DLGAP2: variants seen among roughly 807,000 people sequenced by gnomAD.
The protein encoded by DLGAP2 is disks large-associated protein 2.
DLGAP2 carries 26 observed loss-of-function variants against 100.3 expected under a neutral mutation model. The observed-to-expected ratio is 0.26, with a 90% CI of 0.19 to 0.36. The LOEUF is 0.36. DLGAP2 is among the 10% of genes least tolerant of loss of function. DLGAP2 has a pLI of 1.00. For synonymous variants in DLGAP2, 886 were observed against 630.1 expected, an observed-to-expected ratio of 1.41 and a Z score of -6.08; for missense variants, 1,858 against 1,453.2, an observed-to-expected ratio of 1.28 and a Z score of -4.53.
chr8:1,340,030 G>T (rs983498697), intron 3 of DLGAP2, among the ~76,000 whole-genome samples: 1 of 152,162 alleles, frequency 6.6e-6, no homozygotes, highest in Non-Finnish European at 1.5e-5. Flanking sequence ...GGTACTGGGA[G>T]AACTGGCAGG....
At chr8:1,578,324 T>C (rs1803077790) in intron 6 of DLGAP2, among the ~76,000 whole-genome samples, 1 of 152,186 alleles carries the variant, frequency 6.6e-6, no homozygotes, top group Non-Finnish European at 1.5e-5. Context: ...CTAATTGTAT[T>C]TAATTTTAAT....
At position 1,678,454 on chromosome 8, in the gene DLGAP2, C is replaced by A; in HGVS notation, c.2529C>A (p.Pro843=). 6.2e-7 allele frequency: 1 copy of A among 1,613,520 alleles called. No homozygotes were observed. The highest frequency in any genetic ancestry group is 8.5e-7 in the Non-Finnish European group (1 of 1,179,742). Residue 843 remains proline, a synonymous_variant, in exon 12 of 15, where the codon CCC becomes CCA. Coordinates refer to ENST00000637795, the MANE Select transcript of DLGAP2 (RefSeq NM_001346810.2). ...YRTQVDTSTL[P]PPDPWLEPAI... is the part of the protein sequence containing the mutation. ...CCCAAGTGGACACCTCCACCCTGCC[C>A]CCTCCAGACCCCTGGCTGGAGCCCG...
intron 3 of DLGAP2, among the ~76,000 whole-genome samples, chr8:1,417,150 C>CCG (rs537951010): frequency 0.062 from 5,245 of 84,754 alleles, 361 homozygotes; most frequent in African/African-American, 0.09. Flanking sequence ...GCGGGGGAGA[C>CCG]TCTGAGTGAA....
At chr8:1,476,576 G>A (rs1798935879) in intron 3 of DLGAP2, among the ~76,000 whole-genome samples, 1 of 152,174 alleles carries the variant, frequency 6.6e-6, no homozygotes, top group Non-Finnish European at 1.5e-5. Context: ...CAGGGCAAAT[G>A]TTAGTGCTGT....
intron 2 of DLGAP2, among the ~76,000 whole-genome samples, chr8:1,149,529 G>T (rs1232060453): frequency 6.6e-6 from 1 of 151,956 alleles, no homozygotes; most frequent in African/African-American, 2.4e-5. Context: ...GTTTTCTTTG[G>T]GTTAATATTT....
At chr8:1,182,055 G>T (rs781628760) in intron 2 of DLGAP2, among the ~76,000 whole-genome samples, 1 of 152,250 alleles carries the variant, frequency 6.6e-6, no homozygotes, top group Admixed American at 6.5e-5. Context: ...CAGTGCGTAA[G>T]AGCCATGTGC....
intron 2 of DLGAP2, among the ~76,000 whole-genome samples, chr8:1,105,996 A>AG (rs1368156136): frequency 1.6e-5 from 2 of 127,158 alleles, no homozygotes; most frequent in East Asian, 2.6e-4. Context: ...CCATTCTAGG[A>AG]GGTTTTCTAC....
chr8:859,041 TA>T (rs1288183156), intron 1 of DLGAP2, among the ~76,000 whole-genome samples: 5 of 152,110 alleles, frequency 3.3e-5, no homozygotes, highest in Non-Finnish European at 5.9e-5. Context: ...GTATTTTAAT[TA>T]AAAAATACAT....
intron 2 of DLGAP2, among the ~76,000 whole-genome samples, chr8:1,080,819 GC>G (rs1310453529): frequency 6.6e-6 from 1 of 152,178 alleles, no homozygotes; most frequent in East Asian, 1.9e-4. Context: ...CACTCACTCA[GC>G]GCTCTGAGGA....
intron 5 of DLGAP2, among the ~76,000 whole-genome samples, chr8:1,563,355 G>A (rs548006488): frequency 8.7e-5 from 3 of 34,562 alleles, no homozygotes; most frequent in South Asian, 2.3e-3. Context: ...GGGTGTCCGC[G>A]CCTCATTACT....
At position 1,683,989 on chromosome 8, in the gene DLGAP2, CTTTTTT is replaced by C. The variant is rs534537261; in HGVS notation, c.2704+5365_2704+5370del. Among the ~76,000 whole-genome samples the C allele has an allele frequency of 9.0e-3, 327 of 36,466 alleles. 6 individuals carry two copies. Among genetic ancestry groups the C allele is most frequent in the South Asian group, 0.041 (40 of 984 alleles). 23.9% of individuals were successfully genotyped at this position (36,466 alleles called of 152,430 possible). ...ATATATATATATATATATATATATA[CTTTTTT>C]TTTTAAGACGAAGTCTCACTCTGAC... On this transcript the variant is annotated intron_variant, in intron 12 of 14. Transcript: ENST00000637795.
At chr8:1,193,638 C>T (rs576178707) in intron 2 of DLGAP2, among the ~76,000 whole-genome samples, 7 of 152,170 alleles carry the variant, frequency 4.6e-5, no homozygotes, top group African/African-American at 1.7e-4. Context: ...ACTTAGGTTG[C>T]TTCCCTGGCA....
At chr8:1,626,963 G>A in intron 7 of DLGAP2, 76 bp downstream of exon 7, 1 of 1,505,032 alleles carries the variant, frequency 6.6e-7, no homozygotes, top group South Asian at 1.3e-5. Flanking sequence ...CGGCCGCATA[G>A]GTGGCGATGG....
At chr8:944,856 A>C (rs1799278995) in intron 2 of DLGAP2, among the ~76,000 whole-genome samples, 1 of 151,898 alleles carries the variant, frequency 6.6e-6, no homozygotes, top group South Asian at 2.1e-4. Context: ...AGTGGTTGGT[A>C]ACGACTTTGT....
intron 1 of DLGAP2, among the ~76,000 whole-genome samples, chr8:844,120 G>A (rs28362022): frequency 0.72 from 109,762 of 152,124 alleles, 40,114 homozygotes; most frequent in East Asian, 0.99. Context: ...GTGGTTCACA[G>A]TGAAGAGTAT....
At chr8:1,211,281 A>G (rs1798099345) in intron 2 of DLGAP2, among the ~76,000 whole-genome samples, 1 of 152,112 alleles carries the variant, frequency 6.6e-6, no homozygotes, top group African/African-American at 2.4e-5. Context: ...GGCCGTGGGG[A>G]CGTTGTTAAA....
chr8:1,051,323 T>C (rs1235247516), intron 2 of DLGAP2, among the ~76,000 whole-genome samples: 5 of 152,106 alleles, frequency 3.3e-5, no homozygotes, highest in African/African-American at 1.2e-4. Flanking sequence ...CACCGGGCTG[T>C]GTTGTCTCAG....
rs188772992 is a variant in DLGAP2 at position 861,410 on chromosome 8, G to A, written c.19-46502G>A. 1.1e-4 allele frequency among the ~76,000 whole-genome samples: 17 copies of A among 152,208 alleles called. No individual in the cohort carries two copies. The East Asian group carries it at 1.9e-3, about 17-fold the overall frequency. ...GATGACTGTACTTCTCCTCATGCTCGCAGTAGAAGAAGTTTGAAGCCCCTA... is the reference window on the plus strand; with the variant it reads ...GATGACTGTACTTCTCCTCATGCTCACAGTAGAAGAAGTTTGAAGCCCCTA... On this transcript the variant is annotated intron_variant, in intron 1 of 14. Transcript: ENST00000637795.
At chr8:947,561 C>T (rs1235478632) in intron 2 of DLGAP2, among the ~76,000 whole-genome samples, 2 of 152,170 alleles carry the variant, frequency 1.3e-5, no homozygotes, top group Non-Finnish European at 2.9e-5. Flanking sequence ...CACAGGTTGC[C>T]GGGCCCCTCG....
Sources: gnomAD v4.1 joint callset for allele counts (sites outside exome capture counted in the v4.1 genomes callset) on GRCh38, gnomAD v4.1.1 for gene constraint, MANE v1.5 for transcripts, NCBI Gene and HGNC (gene_info 2026-07-23, HGNC 2026-07-21) for gene names.